The following DLGAP2 variants were observed in gnomAD, a reference collection of about 807,000 sequenced individuals.
DLGAP2 encodes the protein DLG associated protein 2.
A neutral mutation model predicts 100.3 loss-of-function variants in DLGAP2; 26 were observed. The observed-to-expected ratio is 0.26, with a 90% CI of 0.19 to 0.36. The LOEUF is 0.36. Ranked by LOEUF, DLGAP2 falls within the 10% of genes least tolerant of loss-of-function variation. DLGAP2 has a pLI of 1.00. For missense variants in DLGAP2, 1,858 were observed against 1,453.2 expected, an observed-to-expected ratio of 1.28 and a Z score of -4.53; for synonymous variants, 886 against 630.1, an observed-to-expected ratio of 1.41 and a Z score of -6.08.
chr8:942,890 A>G (rs1799227258), intron 2 of DLGAP2, among the ~76,000 whole-genome samples: 1 of 152,210 alleles, frequency 6.6e-6, no homozygotes, highest in Non-Finnish European at 1.5e-5. Context: ...CAGGCTCCCA[A>G]AACTCCCTCC....
chr8:1,131,685 G>GGGT lies in DLGAP2; in HGVS notation c.74-127165_74-127164insGTG, dbSNP rs1469076215. 5.6e-4 allele frequency among the ~76,000 whole-genome samples: 85 copies of GGGT among 151,092 alleles called. 1 individual carries two copies. Among genetic ancestry groups the GGGT allele is most frequent in the Middle Eastern group, 3.4e-3 (1 of 294 alleles). On this transcript the variant is annotated intron_variant, in intron 2 of 14. Transcript: ENST00000637795. ...ATTAGGTGAGATGTTTGCCGGACGC[G>GGGT]GCTGCTGTTCCACATTAGGTGAGAT...
chr8:1,127,228 C>T (rs1274642081), intron 2 of DLGAP2, among the ~76,000 whole-genome samples: 1 of 151,520 alleles, frequency 6.6e-6, no homozygotes, highest in Non-Finnish European at 1.5e-5. Flanking sequence ...GTTGCTGTGG[C>T]CACACTTTGA....
At chr8:833,936 C>A (rs528496652) in intron 1 of DLGAP2, among the ~76,000 whole-genome samples, 1 of 152,298 alleles carries the variant, frequency 6.6e-6, no homozygotes, top group African/African-American at 2.4e-5. Context: ...ATTTATGGAG[C>A]TGGTGGCTCC....
At chr8:753,579 T>A (rs1820846718) in intron 1 of DLGAP2, 1 of 152,180 alleles carries the variant, frequency 6.6e-6, no homozygotes, top group African/African-American at 2.4e-5. Context: ...CACAGATGCC[T>A]GGGGGAATGA....
At position 1,347,224 on chromosome 8, in the gene DLGAP2, G is replaced by A. The variant is rs377239401; in HGVS notation, c.106+88341G>A. ...GGAGGTAGAGTTCCTACACAGAGCT[G>A]CATTGCTCTAATGGTGGCTGTGTGT... On this transcript the variant is annotated intron_variant, in intron 3 of 14. Coordinates refer to ENST00000637795, the MANE Select transcript of DLGAP2 (RefSeq NM_001346810.2). 1.5e-4 allele frequency among the ~76,000 whole-genome samples: 22 copies of A among 150,712 alleles called. 1 individual carries two copies. Among genetic ancestry groups the A allele is most frequent in the African/African-American group, 5.4e-4 (22 of 40,820 alleles).
rs529715392 is a variant in DLGAP2 at position 747,515 on chromosome 8, C to T, written c.18+9690C>T. 1.7e-4 allele frequency among the ~76,000 whole-genome samples: 15 copies of T among 85,872 alleles called. No individual in the cohort carries two copies. In the South Asian group the frequency reaches 4.9e-3, roughly 28 times the overall value. 56.3% of individuals were successfully genotyped at this position (85,872 alleles called of 152,430 possible). A position where few individuals can be genotyped will look rare whatever the true frequency, so the allele number is the denominator to read the frequency against. On this transcript the variant is annotated intron_variant, in intron 1 of 14. Transcript: ENST00000637795. ...CCGAGGGGAACGCGGAGGACACAGG[C>T]GGCTGGAGGGTGACCTTTGAAGTAG...
At chr8:1,097,477 T>C (rs1386441287) in intron 2 of DLGAP2, among the ~76,000 whole-genome samples, 78 of 76,642 alleles carry the variant, frequency 1.0e-3, no homozygotes, top group East Asian at 3.4e-3. Context: ...GCTGGGAGCC[T>C]AGGGCAGGCC....
chr8:1,140,082 C>G (rs1796495422), intron 2 of DLGAP2, among the ~76,000 whole-genome samples: 1 of 152,234 alleles, frequency 6.6e-6, no homozygotes, highest in Non-Finnish European at 1.5e-5. Context: ...ACAGTGTGGC[C>G]ATCAGCCCAG....
At position 969,609 on chromosome 8, in the gene DLGAP2, G is replaced by A. The variant is rs925896116; in HGVS notation, c.73+61643G>A. On this transcript the variant is annotated intron_variant, in intron 2 of 14. Transcript: ENST00000637795. ...CAAAGATAATACATATTCAAAACCT[G>A]TTGTGTCCTAGGTACTTTGTGGGTG... 2.6e-5 allele frequency among the ~76,000 whole-genome samples: 4 copies of A among 152,016 alleles called. No homozygotes were observed. In the East Asian group the frequency reaches 7.8e-4, roughly 29 times the overall value.
intron 3 of DLGAP2, among the ~76,000 whole-genome samples, chr8:1,292,458 G>C (rs1468129035): frequency 6.6e-6 from 1 of 152,184 alleles, no homozygotes; most frequent in Non-Finnish European, 1.5e-5. Flanking sequence ...AAGTGTGTGT[G>C]ATCAACTTGA....
chr8:1,248,298 G>T (rs1223573711), intron 2 of DLGAP2, among the ~76,000 whole-genome samples: 1 of 104,496 alleles, frequency 9.6e-6, no homozygotes, highest in Non-Finnish European at 1.9e-5. Context: ...TTTGAGATCA[G>T]TGTGGGAGTA....
chr8:1,320,244 T>C (rs6992233), intron 3 of DLGAP2, among the ~76,000 whole-genome samples: 27,083 of 151,840 alleles, frequency 0.18, 2,689 homozygotes, highest in Middle Eastern at 0.27. Flanking sequence ...GGGAAAGTTA[T>C]GTGTTCTTCC....
chr8:1,211,415 T>C (rs1474162139), intron 2 of DLGAP2, among the ~76,000 whole-genome samples: 1 of 152,210 alleles, frequency 6.6e-6, no homozygotes, highest in Non-Finnish European at 1.5e-5. Flanking sequence ...GCAAAAAGGA[T>C]TTCGCTTTTT....
chr8:1,236,952 G>T (rs1165825673), intron 2 of DLGAP2, among the ~76,000 whole-genome samples: 3 of 145,474 alleles, frequency 2.1e-5, no homozygotes, highest in Non-Finnish European at 4.5e-5. Context: ...ATGGCGCCGT[G>T]TCTAGTTCTC....
At chr8:1,338,242 A>C (rs1207523807) in intron 3 of DLGAP2, among the ~76,000 whole-genome samples, 1 of 152,266 alleles carries the variant, frequency 6.6e-6, no homozygotes, top group Non-Finnish European at 1.5e-5. Flanking sequence ...AAGTGTCCAC[A>C]GCAGCATTGC....
At chr8:863,898 C>T (rs139532555) in intron 1 of DLGAP2, among the ~76,000 whole-genome samples, 2 of 152,260 alleles carry the variant, frequency 1.3e-5, no homozygotes, top group African/African-American at 2.4e-5. Context: ...GGAAGAGAAT[C>T]GGCCCCCAGG....
chr8:1,693,776 A>G (rs1167739502), intron 13 of DLGAP2, among the ~76,000 whole-genome samples: 3 of 152,382 alleles, frequency 2.0e-5, no homozygotes, highest in South Asian at 4.1e-4. Context: ...TGACAAAGTT[A>G]TAATCATCAT....
intron 3 of DLGAP2, among the ~76,000 whole-genome samples, chr8:1,298,559 G>A (rs369266428): frequency 2.9e-4 from 44 of 152,256 alleles, no homozygotes; most frequent in East Asian, 1.4e-3. Context: ...GTCGCTGAGC[G>A]TGGGGGACGG....
chr8:1,203,665 C>T (rs1019693995), intron 2 of DLGAP2, among the ~76,000 whole-genome samples: 3 of 152,148 alleles, frequency 2.0e-5, no homozygotes, highest in Admixed American at 6.5e-5. Context: ...GATGACGGTG[C>T]GAAGAACTGA....
Sources: allele counts gnomAD v4.1 joint callset (sites outside exome capture counted in the v4.1 genomes callset), GRCh38; gene constraint gnomAD v4.1.1; transcripts MANE v1.5; gene names NCBI Gene and HGNC (gene_info 2026-07-23, HGNC 2026-07-21).